Variants in HUWE1 observed in about 807,000 individuals in gnomAD.
HUWE1 encodes the protein E3 ubiquitin-protein ligase HUWE1.
HUWE1 carries 18 observed loss-of-function variants against 299.4 expected under a neutral mutation model. The observed-to-expected ratio is 0.06, with a 90% CI of 0.04 to 0.09. HUWE1 has a LOEUF of 0.09. HUWE1 is among the 10% of genes least tolerant of loss of function. The pLI is 1.00. For missense variants in HUWE1, 1,832 were observed against 3,462.3 expected (o/e 0.53, Z 11.82); for synonymous variants, 1,317 against 1,286.1 (o/e 1.02, Z -0.51).
In HUWE1 at chrX:53,592,524, T is replaced by A. The variant is rs2064220038; in HGVS notation, c.3846A>T (p.Arg1282=). ...GTCTCTCTCGAATCACAGGTTCTCC[T>A]CGGAGGATGTGGCATAGAATGGCCA... ...SMLAILCHIL[R]GEPVIRERLS... is the part of the protein sequence containing the mutation. The change falls in exon 33 of 84, where the codon CGA becomes CGT. Residue 1282 remains arginine (R), a synonymous_variant. Coordinates refer to ENST00000262854, the MANE Select transcript of HUWE1 (RefSeq NM_031407.7). 1 of 1,208,614 alleles carries A rather than the reference T, an allele frequency of 8.3e-7. No individual in the cohort carries two copies. The highest frequency in any genetic ancestry group is 1.8e-5 in the African/African-American group (1 of 56,915).
At position 53,547,845 on chromosome X, in the gene HUWE1, T is replaced by G. The variant is rs2061613937; in HGVS notation, c.10464A>C (p.Ser3488=). ...CAGTGGTGGTGGTGGTAGATGTGGT[T>G]GAGGTGGCAGTGGTGGTGGAGGAAG... The part of the protein sequence containing the change: ...SGASSTTTAT[S]TTSTTTTTAA... Residue 3488 remains serine (S), a synonymous_variant, in exon 68 of 84, where the codon TCA becomes TCC. Transcript: ENST00000262854. 2 of 1,201,535 alleles carry G rather than the reference T, an allele frequency of 1.7e-6. No individual in the cohort carries two copies. Among genetic ancestry groups the G allele is most frequent in the Non-Finnish European group, 2.2e-6 (2 of 889,872 alleles).
chrX:53,604,455 A>G (rs2044667289), intron 26 of HUWE1, 134 bp downstream of exon 26: 1 of 693,406 alleles, frequency 1.4e-6, no homozygotes, highest in African/African-American at 2.2e-5. Context: ...AAAAAATCTC[A>G]TCCTAAATTG....
intron 66 of HUWE1, 136 bp from the exon 67 acceptor site, chrX:53,549,641 T>G: frequency 1.9e-6 from 1 of 539,345 alleles, no homozygotes; most frequent in South Asian, 2.5e-5. Flanking sequence ...CCAAGGGCTC[T>G]TCATAGTAAC....
intron 74 of HUWE1, among the ~76,000 whole-genome samples, chrX:53,542,017 T>TA (rs373213184): frequency 7.2e-5 from 8 of 110,375 alleles, no homozygotes; most frequent in East Asian, 2.8e-4. Context: ...TCGTCTCTAC[T>TA]AAAAAAAATA....
At chrX:53,583,366 GCAA>G (rs2063718534) in intron 42 of HUWE1, among the ~76,000 whole-genome samples, 189 bp downstream of exon 42, 1 of 109,954 alleles carries the variant, frequency 9.1e-6, no homozygotes, top group African/African-American at 3.3e-5. Context: ...GGACTTTCTA[GCAA>G]TAGGATCATC....
chrX:53,549,526 T>C (rs782444382), intron 66 of HUWE1, 21 bp from the exon 67 acceptor site: 19 of 1,168,166 alleles, frequency 1.6e-5, no homozygotes, highest in East Asian at 3.0e-5. Context: ...AACATGGTTT[T>C]TGGGTAACAC....
chrX:53,592,516 G>A lies in HUWE1; in HGVS notation c.3854C>T (p.Pro1285Leu), dbSNP rs781849872. The part of the protein sequence containing the change: ...AILCHILRGE[P>L]VIRERLSKEK... The stretch of plus-strand genomic sequence containing the variant: ...CTTGCTTAGTCTCTCTCGAATCACA[G>A]GTTCTCCTCGGAGGATGTGGCATAG... Residue 1285 changes from proline to leucine, a missense_variant, in exon 33 of 84, where the codon CCT becomes CTT. Coordinates refer to ENST00000262854, the MANE Select transcript of HUWE1 (RefSeq NM_031407.7). 1 of 1,209,895 alleles carries A rather than the reference G, an allele frequency of 8.3e-7. No individual in the cohort carries two copies. The highest frequency in any genetic ancestry group is 1.1e-6 in the Non-Finnish European group (1 of 894,134).
At chrX:53,679,458 T>C (rs1010625070) in intron 3 of HUWE1, among the ~76,000 whole-genome samples, 7 of 111,848 alleles carry the variant, frequency 6.3e-5, no homozygotes, top group African/African-American at 2.3e-4. Flanking sequence ...AGGGATTTAT[T>C]CCAATATAAT....
chrX:53,624,232 G>A (rs1431104371), intron 19 of HUWE1, among the ~76,000 whole-genome samples: 2 of 110,762 alleles, frequency 1.8e-5, no homozygotes, highest in African/African-American at 6.6e-5. Flanking sequence ...TGATCTACCC[G>A]CCTCGGCCTC....
At chrX:53,563,026 C>T (rs2062365713) in intron 52 of HUWE1, 97 bp from the exon 53 acceptor site, 1 of 716,793 alleles carries the variant, frequency 1.4e-6, no homozygotes, top group Non-Finnish European at 2.2e-6. Flanking sequence ...AGCAGATATC[C>T]ACTTTTTTTT....
At chrX:53,571,811 G>GA (rs2062843491) in intron 47 of HUWE1, among the ~76,000 whole-genome samples, 1 of 111,348 alleles carries the variant, frequency 9.0e-6, no homozygotes, top group East Asian at 2.8e-4. Context: ...TCAGTAAAAT[G>GA]AAAAAACACC....
At chrX:53,533,473 C>T in intron 83 of HUWE1, 62 bp from the exon 84 acceptor site, 1 of 790,622 alleles carries the variant, frequency 1.3e-6, no homozygotes, top group Non-Finnish European at 1.9e-6. Flanking sequence ...TCTGTGTGTT[C>T]CCATGGTGCC....
chrX:53,686,083 T>G (rs1309980876), intron 2 of HUWE1, among the ~76,000 whole-genome samples, 187 bp downstream of exon 2: 4 of 112,608 alleles, frequency 3.6e-5, no homozygotes, highest in African/African-American at 1.3e-4. Flanking sequence ...AATGTGTGTG[T>G]GTGTGTAGTA....
intron 7 of HUWE1, among the ~76,000 whole-genome samples, chrX:53,638,244 A>G (rs1057120669): frequency 1.8e-5 from 2 of 111,497 alleles, no homozygotes; most frequent in Non-Finnish European, 3.8e-5. Context: ...GGAGGCTGAG[A>G]CAGGAGAATG....
intron 19 of HUWE1, among the ~76,000 whole-genome samples, chrX:53,623,066 T>C (rs2066249404): frequency 9.0e-6 from 1 of 111,626 alleles, no homozygotes; most frequent in Non-Finnish European, 1.9e-5. Context: ...TTCACTGACC[T>C]TTGATTTAGT....
intron 19 of HUWE1, among the ~76,000 whole-genome samples, chrX:53,619,590 GAA>G (rs35685121): frequency 0.19 from 7,893 of 41,241 alleles, 1,087 homozygotes; most frequent in African/African-American, 0.46. Context: ...AGAAATAGAA[GAA>G]AAAAAAAAAA....
Position 53,533,670 on chromosome X carries a change from A to T in HUWE1, c.13023-259T>A, listed in dbSNP as rs1556908746. 5 of 437,341 alleles carry T rather than the reference A, an allele frequency of 1.1e-5. No individual in the cohort carries two copies. In the East Asian group the frequency reaches 1.9e-4, roughly 17 times the overall value. 36.0% of individuals were successfully genotyped at this position (437,341 alleles called of 1,213,427 possible). A position where few individuals can be genotyped will look rare whatever the true frequency, so the allele number is the denominator to read the frequency against. ...TCACTCGCCCATAGGCTAAAGTGCA[A>T]ACTTGAAGGTGGTTTTCAGAGTCAC... is the stretch of plus-strand genomic sequence containing the variant. On this transcript the variant is annotated intron_variant, in intron 83 of 83. Transcript: ENST00000262854.
intron 67 of HUWE1, among the ~76,000 whole-genome samples, 165 bp downstream of exon 67, chrX:53,548,794 G>GA (rs1382633166): frequency 8.9e-6 from 1 of 112,233 alleles, no homozygotes; most frequent in Non-Finnish European, 1.9e-5. Flanking sequence ...AAAGAATGAA[G>GA]AAAAAACCCC....
intron 3 of HUWE1, among the ~76,000 whole-genome samples, chrX:53,679,677 T>C (rs1418886607): frequency 8.9e-6 from 1 of 111,940 alleles, no homozygotes; most frequent in Non-Finnish European, 1.9e-5. Context: ...TGAAATAGAA[T>C]GTGCAAGTTG....
Sources: gnomAD v4.1 joint callset for allele counts (sites outside exome capture counted in the v4.1 genomes callset) on GRCh38, gnomAD v4.1.1 for gene constraint, MANE v1.5 for transcripts, NCBI Gene and HGNC (gene_info 2026-07-23, HGNC 2026-07-21) for gene names.